KLF12: variants seen among roughly 807,000 people sequenced by gnomAD.
KLF12 encodes KLF transcription factor 12.
In KLF12, 9 loss-of-function variants were observed where a neutral mutation model predicts 37.8. The ratio of observed to expected loss-of-function variants is 0.24; its 90% confidence interval spans 0.14 to 0.42. The LOEUF (loss-of-function observed/expected upper bound fraction) is 0.42, where lower values mean the gene tolerates loss of function less well. Ranked by LOEUF, KLF12 falls within the 10% of genes least tolerant of loss-of-function variation. The pLI is 1.00. For synonymous variants in KLF12, 208 were observed against 202.1 expected (o/e 1.03, Z -0.25); for missense variants, 411 against 516.0 (o/e 0.80, Z 1.97).
the KLF12 span, among the ~76,000 whole-genome samples, chr13:74,251,816 T>G: frequency 6.6e-6 from 1 of 152,182 alleles, no homozygotes; most frequent in Non-Finnish European, 1.5e-5. Context: ...GAACTTGAAA[T>G]GTAATATTCT....
chr13:73,887,659 C>CA (rs5804703), intron 3 of KLF12, among the ~76,000 whole-genome samples: 114,377 of 151,732 alleles, frequency 0.75, 43,337 homozygotes, highest in East Asian at 0.91. Flanking sequence ...AATAGCAATG[C>CA]AAAAAAAGCC....
chr13:73,962,020 C>T (rs1374921074), intron 2 of KLF12: 2 of 454,852 alleles, frequency 4.4e-6, no homozygotes, highest in Admixed American at 4.7e-5. Context: ...AAATTATGTC[C>T]ATGCAACCTT....
At chr13:74,277,262 C>T in the KLF12 span, among the ~76,000 whole-genome samples, 2 of 152,168 alleles carry the variant, frequency 1.3e-5, no homozygotes, top group East Asian at 3.9e-4. Context: ...TCTTCTGCTA[C>T]TATATCTTTC....
chr13:74,255,898 G>A, the KLF12 span, among the ~76,000 whole-genome samples: 1 of 152,162 alleles, frequency 6.6e-6, no homozygotes, highest in Admixed American at 6.5e-5. Flanking sequence ...GCTCACGCCT[G>A]TAATCCCAGC....
At chr13:73,826,763 T>TACACACACACACAC (rs59262711) in intron 4 of KLF12, among the ~76,000 whole-genome samples, 12 of 149,370 alleles carry the variant, frequency 8.0e-5, no homozygotes, top group African/African-American at 2.7e-4. Flanking sequence ...ATATCATATC[T>TACACACACACACAC]ACACACACAC....
At position 73,865,930 on chromosome 13, in the gene KLF12, T is replaced by C. The variant is rs1276124820; in HGVS notation, c.124-19557A>G. On this transcript the variant is annotated intron_variant, in intron 3 of 7. Transcript: ENST00000377669. ...AAATGAATGAGCAAAAATGAGAACG[T>C]AGTTCAAGTGGGAGTAGTAAGATAC... is the stretch of plus-strand genomic sequence containing the variant. 2.0e-5 allele frequency among the ~76,000 whole-genome samples: 3 copies of C among 152,170 alleles called. No individual in the cohort carries two copies. In the East Asian group the frequency reaches 5.8e-4, roughly 29 times the overall value.
intron 3 of KLF12, among the ~76,000 whole-genome samples, chr13:73,860,115 A>G (rs957170609): frequency 6.6e-6 from 1 of 152,178 alleles, no homozygotes; most frequent in Non-Finnish European, 1.5e-5. Flanking sequence ...TTATATGATC[A>G]GTTCACTCAT....
chr13:73,893,146 C>T (rs1228225477), intron 3 of KLF12, among the ~76,000 whole-genome samples: 1 of 152,110 alleles, frequency 6.6e-6, no homozygotes, highest in Non-Finnish European at 1.5e-5. Context: ...TTGCCCCACA[C>T]CTCCGCAATG....
chr13:74,007,138 C>T (rs1223084770), intron 1 of KLF12, among the ~76,000 whole-genome samples: 1 of 151,940 alleles, frequency 6.6e-6, no homozygotes, highest in Non-Finnish European at 1.5e-5. Context: ...ACACAGCCAA[C>T]TATTTTTTAA....
At chr13:73,928,839 G>C (rs1482600979) in intron 3 of KLF12, among the ~76,000 whole-genome samples, 1 of 152,092 alleles carries the variant, frequency 6.6e-6, no homozygotes, top group Non-Finnish European at 1.5e-5. Flanking sequence ...TGTCCTCATT[G>C]GTAAAGTGGC....
chr13:73,998,520 A>G (rs775446205), intron 1 of KLF12, among the ~76,000 whole-genome samples: 1 of 152,208 alleles, frequency 6.6e-6, no homozygotes, highest in African/African-American at 2.4e-5. Flanking sequence ...TCTAGATTCA[A>G]GTTTACAAAT....
chr13:73,877,390 CAAT>C (rs1001797209), intron 3 of KLF12, among the ~76,000 whole-genome samples: 25 of 152,254 alleles, frequency 1.6e-4, no homozygotes, highest in African/African-American at 5.8e-4. Flanking sequence ...TTTAACTCAG[CAAT>C]AATAAGTTGG....
At chr13:73,806,387 C>T (rs915287847) in intron 5 of KLF12, among the ~76,000 whole-genome samples, 9 of 152,116 alleles carry the variant, frequency 5.9e-5, no homozygotes, top group African/African-American at 1.9e-4. Flanking sequence ...AGGCGTGAGC[C>T]ACCGTGCCCA....
the KLF12 span, among the ~76,000 whole-genome samples, chr13:74,295,487 T>C: frequency 6.6e-6 from 1 of 152,192 alleles, no homozygotes; most frequent in Non-Finnish European, 1.5e-5. Flanking sequence ...CTTTTTGTCC[T>C]CCCAAACCAC....
the KLF12 span, among the ~76,000 whole-genome samples, chr13:74,244,127 T>C: frequency 6.6e-6 from 1 of 152,208 alleles, no homozygotes; most frequent in African/African-American, 2.4e-5. Context: ...GTGTCACTTA[T>C]ATTCCCACAG....
chr13:73,939,577 TG>T (rs1392630577), intron 3 of KLF12, among the ~76,000 whole-genome samples: 3 of 152,212 alleles, frequency 2.0e-5, no homozygotes, highest in Non-Finnish European at 4.4e-5. Flanking sequence ...ACATAGATGT[TG>T]AAATCTCTAC....
At chr13:74,042,053 C>T (rs1022924253) in intron 1 of KLF12, among the ~76,000 whole-genome samples, 1 of 152,038 alleles carries the variant, frequency 6.6e-6, no homozygotes, top group Admixed American at 6.6e-5. Context: ...CCTGTAATCC[C>T]AGCACTTTAG....
chr13:74,223,615 G>A, the KLF12 span, among the ~76,000 whole-genome samples: 14 of 152,148 alleles, frequency 9.2e-5, no homozygotes, highest in African/African-American at 3.4e-4. Flanking sequence ...GATGGAAAGT[G>A]GACTTCCCTG....
At chr13:73,844,308 C>T (rs1884903393) in intron 4 of KLF12, among the ~76,000 whole-genome samples, 1 of 152,088 alleles carries the variant, frequency 6.6e-6, no homozygotes. Context: ...TGTTATTATT[C>T]AAATCTGATT....
Sources: gnomAD v4.1 joint callset for allele counts (sites outside exome capture counted in the v4.1 genomes callset) on GRCh38, gnomAD v4.1.1 for gene constraint, MANE v1.5 for transcripts, NCBI Gene and HGNC (gene_info 2026-07-23, HGNC 2026-07-21) for gene names.